Variants in EVI5L observed in about 807,000 individuals in gnomAD.
EVI5L encodes ecotropic viral integration site 5 like.
Under a neutral mutation model 106.1 loss-of-function variants are expected in EVI5L, and 30 were observed. That is an observed-to-expected ratio of 0.28 (90% CI 0.21 to 0.38). The LOEUF (loss-of-function observed/expected upper bound fraction) is 0.38. Among genes scored for constraint, EVI5L ranks in the 10% least tolerant of loss-of-function variants. The pLI is 1.00. For synonymous variants in EVI5L, 489 were observed against 483.3 expected, an observed-to-expected ratio of 1.01 and a Z score of -0.15; for missense variants, 809 against 1,098.0, an observed-to-expected ratio of 0.74 and a Z score of 3.72.
intron 1 of EVI5L, among the ~76,000 whole-genome samples, chr19:7,836,813 A>T (rs959015421): frequency 2.0e-5 from 3 of 151,522 alleles, no homozygotes; most frequent in African/African-American, 7.3e-5. Context: ...TGTATTTTTA[A>T]TAGAGACAGG....
In EVI5L at chr19:7,856,428, C is replaced by T. The variant is rs1035527065; in HGVS notation, c.1200+360C>T. Among the ~76,000 whole-genome samples the T allele has an allele frequency of 3.9e-5, 6 of 152,094 alleles. No individual in the cohort carries two copies. The highest frequency in any genetic ancestry group is 1.2e-4 in the African/African-American group (5 of 41,410). ...GTAATTGGGCCACAAGCCACCCCAC[C>T]CTGTAATTTGGAAGTCTTGCCCTCA... On this transcript the variant is annotated intron_variant, in intron 11 of 19. Coordinates refer to ENST00000538904, the MANE Select transcript of EVI5L (RefSeq NM_001159944.3). This position sits in a 1 kb window ranked among gnomAD's most constrained non-coding sequence, Gnocchi z 6.6.
chr19:7,861,505 G>GTGGCC, intron 14 of EVI5L, among the ~76,000 whole-genome samples: 1 of 152,372 alleles, frequency 6.6e-6, no homozygotes, highest in Non-Finnish European at 1.5e-5. Context: ...CTGGCCTGGT[G>GTGGCC]TGGCCTGGCC....
In EVI5L at chr19:7,851,565, C is replaced by CTTCA; in HGVS notation, c.887_890dup (p.Met297IlefsTer4). ...CCGTCGCCACCCGGGTCTTTGACAT[C>CTTCA]TTCATGTATGAGGTGAGGACCGATG... On this transcript the variant is annotated frameshift_variant, in exon 7 of 20. Transcript: ENST00000538904. LOFTEE classifies it high-confidence loss of function. 6.2e-7 allele frequency: 1 copy of CTTCA among 1,612,590 alleles called. No homozygotes were observed. The highest frequency in any genetic ancestry group is 8.5e-7 in the Non-Finnish European group (1 of 1,179,354).
rs546119756 is a variant in EVI5L at position 7,850,870 on chromosome 19, C to T, written c.754-564C>T. Reference sequence around the variant, plus strand: ...AGAGCCCCTGGCGCTGGGAGGAAGCCCGGGATCCTAACGCCTTCTCCGGCC... The same window carrying T: ...AGAGCCCCTGGCGCTGGGAGGAAGCTCGGGATCCTAACGCCTTCTCCGGCC... On this transcript the variant is annotated intron_variant, in intron 6 of 19. Transcript: ENST00000538904. The surrounding 1 kb of genome is among the most constrained non-coding windows in gnomAD (Gnocchi z 5.4). 1.3e-5 allele frequency among the ~76,000 whole-genome samples: 2 copies of T among 152,340 alleles called. No individual in the cohort carries two copies. The highest frequency in any genetic ancestry group is 4.8e-5 in the African/African-American group (2 of 41,584).
intron 1 of EVI5L, among the ~76,000 whole-genome samples, chr19:7,844,783 C>T (rs992658186): frequency 3.9e-5 from 6 of 152,200 alleles, no homozygotes; most frequent in South Asian, 4.1e-4. Flanking sequence ...ACTAGGGGAA[C>T]GCTTGAGGGC....
intron 2 of EVI5L, among the ~76,000 whole-genome samples, chr19:7,847,359 AG>A (rs1978999942): frequency 6.6e-6 from 1 of 152,164 alleles, no homozygotes; most frequent in Non-Finnish European, 1.5e-5. Context: ...AGGCTGAGGC[AG>A]GTGGATCACC....
Position 7,846,584 on chromosome 19 carries a change from G to T in EVI5L, c.42G>T (p.Glu14Asp). 1 of 1,613,818 alleles carries T rather than the reference G, an allele frequency of 6.2e-7. No homozygotes were observed. The highest frequency in any genetic ancestry group is 8.5e-7 in the Non-Finnish European group (1 of 1,179,960). Reference sequence around the variant, plus strand: ...TGAGCCCCGACTCCTCATCCCAGGAGGCCCTGTCGGCCCCCACCTGCTCCC... The same window carrying T: ...TGAGCCCCGACTCCTCATCCCAGGATGCCCTGTCGGCCCCCACCTGCTCCC... Reference protein sequence around the residue: ...PTLSPDSSSQEALSAPTCSPT... With the variant: ...PTLSPDSSSQDALSAPTCSPT... The change falls in exon 2 of 20, where the codon GAG becomes GAT. Residue 14 changes from glutamate (E) to aspartate (D), a missense_variant. Coordinates refer to ENST00000538904, the MANE Select transcript of EVI5L (RefSeq NM_001159944.3).
Position 7,850,496 on chromosome 19 carries a change from A to G in EVI5L, c.753+374A>G, listed in dbSNP as rs1979189564. Among the ~76,000 whole-genome samples the G allele has an allele frequency of 6.6e-6, 1 of 152,050 alleles. No individual in the cohort carries two copies. Among genetic ancestry groups the G allele is most frequent in the Non-Finnish European group, 1.5e-5 (1 of 68,002 alleles). On this transcript the variant is annotated intron_variant, in intron 6 of 19. Transcript: ENST00000538904. This position sits in a 1 kb window ranked among gnomAD's most constrained non-coding sequence, Gnocchi z 5.4. ...TTGTCTGCCTGCCTGATTACTGGAG[A>G]GCCGCAGACGTCTGTTTATAAATAG... is the stretch of plus-strand genomic sequence containing the variant.
chr19:7,859,765 C>T lies in EVI5L; in HGVS notation c.1375-796C>T, dbSNP rs553146276. Among the ~76,000 whole-genome samples the T allele has an allele frequency of 2.0e-5, 3 of 152,356 alleles. No individual in the cohort carries two copies. In the East Asian group the frequency reaches 5.8e-4, roughly 29 times the overall value. ...TGCAGAGATCGGGGAGGCCCAAGGC[C>T]ACCTCCTCAGGCCCAAAGGGAGGCC... On this transcript the variant is annotated intron_variant, in intron 13 of 19. Coordinates refer to ENST00000538904, the MANE Select transcript of EVI5L (RefSeq NM_001159944.3).
At chr19:7,859,644 CTG>C (rs1833406232) in intron 13 of EVI5L, among the ~76,000 whole-genome samples, 1 of 152,234 alleles carries the variant, frequency 6.6e-6, no homozygotes, top group Admixed American at 6.5e-5. Context: ...ATTAGGGAAA[CTG>C]AGGCTGGGCT....
intron 1 of EVI5L, among the ~76,000 whole-genome samples, chr19:7,836,822 G>T (rs967678496): frequency 2.0e-5 from 3 of 151,534 alleles, no homozygotes; most frequent in African/African-American, 7.3e-5. Flanking sequence ...AATAGAGACA[G>T]GGTTTCACCA....
At position 7,863,114 on chromosome 19, in the gene EVI5L, C is replaced by G. The variant is rs1299584314; in HGVS notation, c.2043+47C>G. On this transcript the variant is annotated intron_variant, in intron 18 of 19. Coordinates refer to ENST00000538904, the MANE Select transcript of EVI5L (RefSeq NM_001159944.3). The surrounding 1 kb of genome is among the most constrained non-coding windows in gnomAD (Gnocchi z 7.7). ...GGGGGGCGGGGGCGGGGGCAGGGCCCGGGGCAGGAGCGGGGCCGGACCCCA... is the reference window on the plus strand; with the variant it reads ...GGGGGGCGGGGGCGGGGGCAGGGCCGGGGGCAGGAGCGGGGCCGGACCCCA... 5.9e-6 allele frequency: 9 copies of G among 1,525,074 alleles called. No individual in the cohort carries two copies. The highest frequency in any genetic ancestry group is 7.0e-6 in the Non-Finnish European group (8 of 1,136,806). 94.5% of individuals were successfully genotyped at this position (1,525,074 alleles called of 1,614,324 possible).
At chr19:7,854,293 A>G (rs143194777) in intron 10 of EVI5L, among the ~76,000 whole-genome samples, 2,678 of 138,626 alleles carry the variant, frequency 0.019, 83 homozygotes, top group African/African-American at 0.062. Flanking sequence ...AAAAAAAAAA[A>G]AAAAGAAAAG....
chr19:7,861,078 C>G (rs892323690), intron 14 of EVI5L, among the ~76,000 whole-genome samples: 1 of 152,170 alleles, frequency 6.6e-6, no homozygotes, highest in Non-Finnish European at 1.5e-5. Context: ...CTTCTGGGTT[C>G]CTCCCCAACT....
chr19:7,857,382 T>G lies in EVI5L; in HGVS notation c.1233+258T>G, dbSNP rs925739876. ...TGTCCACATGCATGTACAGAAAGCTTCCTCCGGGCGACACAGGGTGGGGAC... is the reference window on the plus strand; with the variant it reads ...TGTCCACATGCATGTACAGAAAGCTGCCTCCGGGCGACACAGGGTGGGGAC... On this transcript the variant is annotated intron_variant, in intron 12 of 19. Coordinates refer to ENST00000538904, the MANE Select transcript of EVI5L (RefSeq NM_001159944.3). This position sits in a 1 kb window ranked among gnomAD's most constrained non-coding sequence, Gnocchi z 4.5. 1.7e-6 allele frequency: 1 copy of G among 599,292 alleles called. No homozygotes were observed. The highest frequency in any genetic ancestry group is 3.0e-6 in the Non-Finnish European group (1 of 336,828). The allele number at this position is 599,292 out of a possible 1,614,324, so 37.1% of individuals were successfully genotyped here.
chr19:7,848,232 C>T lies in EVI5L; in HGVS notation c.327+311C>T, dbSNP rs1005299787. 1.3e-5 allele frequency among the ~76,000 whole-genome samples: 2 copies of T among 151,852 alleles called. No individual in the cohort carries two copies. Among genetic ancestry groups the T allele is most frequent in the African/African-American group, 2.4e-5 (1 of 41,316 alleles). Reference sequence around the variant, plus strand: ...CTTTGGGCGGCCAAGGTGGGAGGATCGCTTGAGGCCAGGAGTTCGAGGCCA... The same window carrying T: ...CTTTGGGCGGCCAAGGTGGGAGGATTGCTTGAGGCCAGGAGTTCGAGGCCA... On this transcript the variant is annotated intron_variant, in intron 3 of 19. Transcript: ENST00000538904. This position sits in a 1 kb window ranked among gnomAD's most constrained non-coding sequence, Gnocchi z 4.8.
intron 10 of EVI5L, among the ~76,000 whole-genome samples, chr19:7,854,962 C>G (rs896070108): frequency 2.6e-5 from 4 of 152,204 alleles, no homozygotes; most frequent in Non-Finnish European, 5.9e-5. Context: ...TGCAGTGTGG[C>G]AGGGCCCTCA....
intron 10 of EVI5L, 41 bp from the exon 11 acceptor site, chr19:7,855,974 T>TG: frequency 9.1e-6 from 12 of 1,320,394 alleles, no homozygotes; most frequent in South Asian, 2.8e-5. Flanking sequence ...TAGACAGGCG[T>TG]GGGGGGCGGG....
intron 1 of EVI5L, among the ~76,000 whole-genome samples, 158 bp from the exon 2 acceptor site, chr19:7,846,338 T>G (rs1280437956): frequency 6.6e-6 from 1 of 152,060 alleles, no homozygotes; most frequent in Non-Finnish European, 1.5e-5. Flanking sequence ...AGGGGCAGCA[T>G]GGCTGTCAGC....
Sources: allele counts gnomAD v4.1 joint callset (sites outside exome capture counted in the v4.1 genomes callset), GRCh38; gene constraint gnomAD v4.1.1; non-coding constraint Gnocchi (gnomAD v3.1); transcripts MANE v1.5; gene names NCBI Gene and HGNC (gene_info 2026-07-23, HGNC 2026-07-21).